IL12RB2: variants seen among roughly 807,000 people sequenced by gnomAD.
The protein encoded by IL12RB2 is interleukin-12 receptor subunit beta-2.
A neutral mutation model predicts 89.4 loss-of-function variants in IL12RB2; 82 were observed. That is an observed-to-expected ratio of 0.92 (90% CI 0.77 to 1.10). The LOEUF (loss-of-function observed/expected upper bound fraction) is 1.10. Ranked by LOEUF, IL12RB2 falls within the 50% of genes least tolerant of loss-of-function variation. IL12RB2 has a pLI of 0.00. For missense variants in IL12RB2, 963 were observed against 1,031.9 expected, an observed-to-expected ratio of 0.93 and a Z score of 0.92; for synonymous variants, 368 against 370.1, an observed-to-expected ratio of 0.99 and a Z score of 0.07.
At chr1:67,385,719 AATTTCAAAC>A (rs1009313463) in intron 14 of IL12RB2, among the ~76,000 whole-genome samples, 1 of 152,238 alleles carries the variant, frequency 6.6e-6, no homozygotes, top group African/African-American at 2.4e-5. Context: ...GAATAGGCAC[AATTTCAAAC>A]ATTTCAAACA....
chr1:67,330,896 C>A, intron 8 of IL12RB2, 86 bp downstream of exon 8: 1 of 806,884 alleles, frequency 1.2e-6, no homozygotes, highest in East Asian at 2.4e-5. Context: ...GGAATAGAAT[C>A]TTTAAACTAC....
chr1:67,390,450 C>CT (rs1665683567), intron 16 of IL12RB2, among the ~76,000 whole-genome samples: 1 of 125,302 alleles, frequency 8.0e-6, no homozygotes, highest in Non-Finnish European at 1.6e-5. Flanking sequence ...AGAAAGCAAA[C>CT]TTTCCTTTTT....
At chr1:67,368,366 T>C (rs968146812) in intron 11 of IL12RB2, among the ~76,000 whole-genome samples, 2 of 152,206 alleles carry the variant, frequency 1.3e-5, no homozygotes, top group African/African-American at 4.8e-5. Flanking sequence ...TGCATGATAA[T>C]ACATGAGGCC....
chr1:67,389,735 T>G (rs1017361578), intron 15 of IL12RB2, among the ~76,000 whole-genome samples: 1 of 152,180 alleles, frequency 6.6e-6, no homozygotes, highest in Non-Finnish European at 1.5e-5. Flanking sequence ...TGGTCACATA[T>G]TAGGGGTTCA....
chr1:67,350,799 A>C, intron 9 of IL12RB2, 71 bp from the exon 10 acceptor site: 1 of 1,590,592 alleles, frequency 6.3e-7, no homozygotes. Flanking sequence ...ATCTGTACCC[A>C]TGAGGTCCAG....
chr1:67,379,352 A>G (rs1295590390), intron 13 of IL12RB2, among the ~76,000 whole-genome samples: 1 of 150,428 alleles, frequency 6.6e-6, no homozygotes, highest in Admixed American at 6.7e-5. Flanking sequence ...ACTACTAAAA[A>G]TACAAAAATT....
chr1:67,316,442 G>GTGTT (rs1361558440), intron 2 of IL12RB2, among the ~76,000 whole-genome samples: 1 of 151,818 alleles, frequency 6.6e-6, no homozygotes, highest in Non-Finnish European at 1.5e-5. Flanking sequence ...GTGTGTGTGT[G>GTGTT]TGTGTGTGTG....
At chr1:67,387,503 C>A (rs1303133975) in intron 15 of IL12RB2, among the ~76,000 whole-genome samples, 4 of 149,856 alleles carry the variant, frequency 2.7e-5, no homozygotes, top group Non-Finnish European at 5.9e-5. Flanking sequence ...GAGATGGAGA[C>A]CATCCTGGCC....
chr1:67,385,146 A>C (rs942005966), intron 14 of IL12RB2, among the ~76,000 whole-genome samples: 3 of 152,208 alleles, frequency 2.0e-5, no homozygotes, highest in African/African-American at 7.2e-5. Context: ...ATGCTGCTAT[A>C]AGGACATATC....
chr1:67,338,485 A>G, intron 8 of IL12RB2, 139 bp from the exon 9 acceptor site: 1 of 637,664 alleles, frequency 1.6e-6, no homozygotes. Flanking sequence ...AAACAAGAAA[A>G]AGAAAAAATA....
intron 9 of IL12RB2, among the ~76,000 whole-genome samples, chr1:67,342,575 ATATG>A (rs979701537): frequency 1.3e-5 from 2 of 151,492 alleles, no homozygotes; most frequent in South Asian, 2.1e-4. Flanking sequence ...TAGGGTGTGA[ATATG>A]TAGGTATGTG....
intron 10 of IL12RB2, among the ~76,000 whole-genome samples, chr1:67,352,377 G>C (rs1317277198): frequency 6.6e-6 from 1 of 152,170 alleles, no homozygotes; most frequent in South Asian, 2.1e-4. Context: ...CCTCCTTTCT[G>C]TTCCCTCTGC....
At chr1:67,335,458 T>C (rs1658644532) in intron 8 of IL12RB2, among the ~76,000 whole-genome samples, 1 of 152,206 alleles carries the variant, frequency 6.6e-6, no homozygotes, top group South Asian at 2.1e-4. Flanking sequence ...TTCCTTTTGC[T>C]CGGTGAAGTC....
chr1:67,355,422 GA>G (rs1171395256), intron 10 of IL12RB2, among the ~76,000 whole-genome samples: 1,125 of 93,748 alleles, frequency 0.012, 8 homozygotes, highest in Middle Eastern at 0.036. Flanking sequence ...GTCTCAAAAA[GA>G]AAAAAAAAAA....
At chr1:67,331,772 A>G (rs1658109213) in intron 8 of IL12RB2, among the ~76,000 whole-genome samples, 1 of 152,106 alleles carries the variant, frequency 6.6e-6, no homozygotes, top group Admixed American at 6.5e-5. Flanking sequence ...CCAGGAGGCA[A>G]AGGTTGCAAT....
At position 67,379,978 on chromosome 1, in the gene IL12RB2, C is replaced by T; in HGVS notation, c.1718-8C>T. 11 of 1,600,878 alleles carry T rather than the reference C, an allele frequency of 6.9e-6. No individual in the cohort carries two copies. The highest frequency in any genetic ancestry group is 9.4e-6 in the Non-Finnish European group (11 of 1,167,924). On this transcript the variant is annotated splice_polypyrimidine_tract_variant and splice_region_variant and intron_variant, in intron 13 of 16. Coordinates refer to ENST00000674203, the MANE Select transcript of IL12RB2 (RefSeq NM_001374259.2). ...ATACATGCCTTTCTTCCTTTATCTT[C>T]CTTTCAGAAATTCCCTACAGAGTCT...
chr1:67,348,405 G>A lies in IL12RB2; in HGVS notation c.1039-2465G>A, dbSNP rs144773375. 2.7e-3 allele frequency among the ~76,000 whole-genome samples: 414 copies of A among 152,268 alleles called. 2 individuals are homozygous for A. Among genetic ancestry groups the A allele is most frequent in the African/African-American group, 9.6e-3 (399 of 41,558 alleles). ...AGGGAGCAGCACGTCATAACAGAGG[G>A]AACATTGGCCTAGAAGTCGAGAGCT... On this transcript the variant is annotated intron_variant, in intron 9 of 16. Transcript: ENST00000674203.
chr1:67,375,212 T>C (rs1570129771), intron 13 of IL12RB2, among the ~76,000 whole-genome samples: 1 of 152,008 alleles, frequency 6.6e-6, no homozygotes, highest in Middle Eastern at 3.4e-3. Flanking sequence ...CTGGGCAACA[T>C]GGTGAAACCC....
chr1:67,336,218 C>T (rs1398536944), intron 8 of IL12RB2, among the ~76,000 whole-genome samples: 3 of 152,190 alleles, frequency 2.0e-5, no homozygotes, highest in Non-Finnish European at 2.9e-5. Flanking sequence ...CAGTCCTCAG[C>T]TTTGCCATTT....
Sources: gnomAD v4.1 joint callset for allele counts (sites outside exome capture counted in the v4.1 genomes callset) on GRCh38, gnomAD v4.1.1 for gene constraint, MANE v1.5 for transcripts, NCBI Gene and HGNC (gene_info 2026-07-23, HGNC 2026-07-21) for gene names.